Variants in RBFOX1 observed in about 807,000 individuals in gnomAD.
The protein encoded by RBFOX1 is RNA binding fox-1 homolog 1.
A neutral mutation model predicts 57.7 loss-of-function variants in RBFOX1; 8 were observed. The ratio of observed to expected loss-of-function variants is 0.14; its 90% CI spans 0.08 to 0.25. The LOEUF (loss-of-function observed/expected upper bound fraction) is 0.25. Among genes scored for constraint, RBFOX1 ranks in the 10% least tolerant of loss-of-function variants. The pLI, the probability that RBFOX1 is intolerant of heterozygous loss-of-function variation, is 1.00. For synonymous variants in RBFOX1, 326 were observed against 222.4 expected, an observed-to-expected ratio of 1.47 and a Z score of -4.15; for missense variants, 611 against 548.5, an observed-to-expected ratio of 1.11 and a Z score of -1.14.
At chr16:5,770,324 T>C (rs1015804011) in intron 3 of RBFOX1, among the ~76,000 whole-genome samples, 5 of 152,216 alleles carry the variant, frequency 3.3e-5, no homozygotes, top group African/African-American at 7.2e-5. Context: ...CACTGCTCTT[T>C]GTATGCATTA....
chr16:5,949,430 G>A (rs2059472725), intron 4 of RBFOX1, among the ~76,000 whole-genome samples: 1 of 150,506 alleles, frequency 6.6e-6, no homozygotes, highest in Non-Finnish European at 1.5e-5. Flanking sequence ...GGAGGCTGAG[G>A]CAGGAGAATG....
chr16:5,386,833 C>A (rs1429641336), intron 1 of RBFOX1, among the ~76,000 whole-genome samples: 1 of 152,148 alleles, frequency 6.6e-6, no homozygotes, highest in Non-Finnish European at 1.5e-5. Flanking sequence ...GGCGGATCAC[C>A]TGAGGTCAGG....
chr16:7,421,106 T>C (rs1598033803), intron 4 of RBFOX1, among the ~76,000 whole-genome samples: 1 of 152,064 alleles, frequency 6.6e-6, no homozygotes, highest in Non-Finnish European at 1.5e-5. Context: ...GGTTGGCTTT[T>C]CTTGCTACAG....
At chr16:7,620,036 A>T (rs936746412) in intron 10 of RBFOX1, among the ~76,000 whole-genome samples, 1 of 152,180 alleles carries the variant, frequency 6.6e-6, no homozygotes, top group African/African-American at 2.4e-5. Flanking sequence ...ATACTAAAAT[A>T]TTTGCCATTA....
At chr16:5,410,798 C>T (rs1201728281) in intron 1 of RBFOX1, among the ~76,000 whole-genome samples, 2 of 152,194 alleles carry the variant, frequency 1.3e-5, no homozygotes, top group African/African-American at 4.8e-5. Context: ...AAATTCTTTC[C>T]ACTGTTCAAA....
intron 3 of RBFOX1, among the ~76,000 whole-genome samples, chr16:6,753,308 G>T (rs1410142953): frequency 6.6e-6 from 1 of 152,162 alleles, no homozygotes; most frequent in Admixed American, 6.5e-5. Context: ...AATTCTTTCA[G>T]CTTTGCTGTT....
intron 4 of RBFOX1, among the ~76,000 whole-genome samples, chr16:5,969,571 C>G (rs1036494137): frequency 6.6e-6 from 1 of 151,190 alleles, no homozygotes; most frequent in Admixed American, 6.6e-5. Context: ...ATCCGCCTGC[C>G]TCAACCTCCC....
chr16:5,743,477 A>G (rs573028999), intron 3 of RBFOX1, among the ~76,000 whole-genome samples: 46 of 152,184 alleles, frequency 3.0e-4, no homozygotes, highest in Admixed American at 4.6e-4. Context: ...GCCGTTCAAT[A>G]TGGGAGCCAT....
intron 3 of RBFOX1, among the ~76,000 whole-genome samples, chr16:6,931,618 G>T (rs1019238132): frequency 6.6e-6 from 1 of 152,042 alleles, no homozygotes; most frequent in Non-Finnish European, 1.5e-5. Context: ...CCACCACAAT[G>T]CTTTGTCTTT....
chr16:6,547,115 A>G (rs1018956837), intron 2 of RBFOX1, among the ~76,000 whole-genome samples: 1 of 152,246 alleles, frequency 6.6e-6, no homozygotes, highest in Non-Finnish European at 1.5e-5. Context: ...CATTGAGAAT[A>G]AAGTATCTGG....
At chr16:5,589,746 C>A (rs1264727120) in intron 2 of RBFOX1, among the ~76,000 whole-genome samples, 1 of 152,134 alleles carries the variant, frequency 6.6e-6, no homozygotes, top group Non-Finnish European at 1.5e-5. Context: ...GAGTCTGAAG[C>A]TCAGAGAGGT....
intron 2 of RBFOX1, among the ~76,000 whole-genome samples, chr16:6,648,118 C>G (rs1325285509): frequency 6.6e-6 from 1 of 151,206 alleles, no homozygotes; most frequent in Non-Finnish European, 1.5e-5. Context: ...GCTGGGATTA[C>G]AGGCATGAGC....
intron 2 of RBFOX1, among the ~76,000 whole-genome samples, chr16:6,641,205 G>A (rs898761366): frequency 2.0e-5 from 3 of 152,032 alleles, no homozygotes; most frequent in Non-Finnish European, 2.9e-5. Context: ...GGCTGTTTAC[G>A]CTTCACCGAG....
At chr16:6,753,515 T>C (rs1041269265) in intron 3 of RBFOX1, among the ~76,000 whole-genome samples, 2 of 152,196 alleles carry the variant, frequency 1.3e-5, no homozygotes, top group Non-Finnish European at 2.9e-5. Context: ...CTATACCATG[T>C]CTCTCTGCCT....
intron 3 of RBFOX1, among the ~76,000 whole-genome samples, chr16:6,681,197 A>C (rs1009231649): frequency 2.0e-5 from 3 of 152,138 alleles, no homozygotes; most frequent in African/African-American, 4.8e-5. Context: ...CTGTAGTCCC[A>C]GTTACTTGGG....
chr16:7,024,628 CTTTG>C (rs952746307), intron 3 of RBFOX1, among the ~76,000 whole-genome samples: 4 of 152,292 alleles, frequency 2.6e-5, no homozygotes, highest in East Asian at 1.9e-4. Context: ...CTGCCACCAT[CTTTG>C]TTTGATGCTT....
intron 2 of RBFOX1, among the ~76,000 whole-genome samples, chr16:6,436,511 C>CT (rs61508952): frequency 0.06 from 6,164 of 103,300 alleles, 435 homozygotes; most frequent in African/African-American, 0.15. Context: ...TTTTTCTTCA[C>CT]TTTTTTTTTT....
chr16:6,467,619 G>A (rs1350057653), intron 2 of RBFOX1, among the ~76,000 whole-genome samples: 1 of 152,068 alleles, frequency 6.6e-6, no homozygotes, highest in Admixed American at 6.5e-5. Context: ...CCTATTAAAA[G>A]GAAACAAATA....
intron 4 of RBFOX1, among the ~76,000 whole-genome samples, chr16:7,115,408 G>A (rs1438213432): frequency 3.9e-5 from 6 of 152,158 alleles, no homozygotes; most frequent in African/African-American, 9.7e-5. Flanking sequence ...TAATTCTTTT[G>A]CCTTAGTTAC....
Sources: gnomAD v4.1 joint callset for allele counts (sites outside exome capture counted in the v4.1 genomes callset) on GRCh38, gnomAD v4.1.1 for gene constraint, MANE v1.5 for transcripts, NCBI Gene and HGNC (gene_info 2026-07-23, HGNC 2026-07-21) for gene names.